The following STARD5 variants were observed in gnomAD, a reference collection of about 807,000 sequenced individuals.
STARD5 encodes the protein StAR related lipid transfer domain containing 5, also known as stAR-related lipid transfer protein 5.
In STARD5, 26 loss-of-function variants were observed where a neutral mutation model predicts 24.6. That is an observed-to-expected ratio of 1.06 (90% CI 0.77 to 1.47). The LOEUF (loss-of-function observed/expected upper bound fraction) is 1.47. STARD5 is among the 40% of genes most tolerant of loss of function. STARD5 has a pLI of 0.00. For synonymous variants in STARD5, 101 were observed against 99.7 expected, an observed-to-expected ratio of 1.01 and a Z score of -0.07; for missense variants, 254 against 270.8, an observed-to-expected ratio of 0.94 and a Z score of 0.44.
At position 81,311,652 on chromosome 15, in the gene STARD5, A is replaced by C. The variant is rs1900861191; in HGVS notation, c.*1604T>G. 1.3e-5 allele frequency: 2 copies of C among 152,362 alleles called. No individual in the cohort carries two copies. Among genetic ancestry groups the C allele is most frequent in the South Asian group, 4.1e-4 (2 of 4,830 alleles). 9.4% of individuals were successfully genotyped at this position (152,362 alleles called of 1,614,324 possible). A position where few individuals can be genotyped will look rare whatever the true frequency, so the allele number is the denominator to read the frequency against. ...CACCACCTCAGAGTATGGAGCTCAG[A>C]GAGGGCAGGCATGAAGTTTCCTTGG... On this transcript the variant is annotated 3_prime_UTR_variant, in exon 6 of 6. Transcript: ENST00000302824.
chr15:81,322,361 G>T (rs1893305794), intron 3 of STARD5, 47 bp downstream of exon 3: 1 of 1,612,384 alleles, frequency 6.2e-7, no homozygotes, highest in Non-Finnish European at 8.5e-7. Context: ...GGTTACTATA[G>T]CCTGGCCCAG....
Position 81,322,901 on chromosome 15 carries a change from G to T in STARD5, c.147C>A (p.Asn49Lys). Reference protein sequence around the residue: ...SWRPSVEFPGNLYRGEGIVYG... With the variant: ...SWRPSVEFPGKLYRGEGIVYG... ...CTTTGAACGAGGCATGCACTTACAGGTTCCCTGGAAACTCCACAGATGGCC... is the reference window on the plus strand; with the variant it reads ...CTTTGAACGAGGCATGCACTTACAGTTTCCCTGGAAACTCCACAGATGGCC... The change falls in exon 2 of 6, where the codon AAC becomes AAA. Residue 49 changes from asparagine to lysine, a missense_variant and splice_region_variant. Transcript: ENST00000302824. 1.2e-6 allele frequency: 2 copies of T among 1,614,150 alleles called. No individual in the cohort carries two copies. Among genetic ancestry groups the T allele is most frequent in the South Asian group, 2.2e-5 (2 of 91,090 alleles).
intron 5 of STARD5, among the ~76,000 whole-genome samples, chr15:81,315,573 C>T (rs1901064422): frequency 6.6e-6 from 1 of 152,124 alleles, no homozygotes; most frequent in Non-Finnish European, 1.5e-5. Flanking sequence ...GCAAGTGCTC[C>T]AGAAATGACA....
rs1219315149 is a variant in STARD5 at position 81,322,331 on chromosome 15, T to C, written c.282+77A>G. 3 of 1,583,412 alleles carry C rather than the reference T, an allele frequency of 1.9e-6. No homozygotes were observed. The African/African-American group carries it at 4.0e-5, about 21-fold the overall frequency. ...CTTAACAAAAGGTATCACGGACCCC[T>C]TCCAGAAGAAATGGGAGGGGGTTAC... On this transcript the variant is annotated intron_variant, in intron 3 of 5. Coordinates refer to ENST00000302824, the MANE Select transcript of STARD5 (RefSeq NM_181900.3).
Position 81,313,388 on chromosome 15 carries a change from G to A in STARD5, c.510C>T (p.Thr170=). Residue 170 remains threonine (T), a synonymous_variant, in exon 6 of 6, where the codon ACC becomes ACT. Coordinates refer to ENST00000302824, the MANE Select transcript of STARD5 (RefSeq NM_181900.3). ...CGGTATGGAAGAATGTGACCAGGTT[G>A]GTCTTGGTGGGTTCCCTGTGAAGGC... ...CEPLPGEPTK[T]NLVTFFHTDL... is the part of the protein sequence containing the mutation. 1.3e-6 allele frequency: 2 copies of A among 1,555,250 alleles called. No homozygotes were observed. Among genetic ancestry groups the A allele is most frequent in the Non-Finnish European group, 1.7e-6 (2 of 1,149,046 alleles).
At chr15:81,317,983 C>T (rs780925407) in intron 5 of STARD5, among the ~76,000 whole-genome samples, 24 of 152,128 alleles carry the variant, frequency 1.6e-4, no homozygotes, top group Non-Finnish European at 3.2e-4. Flanking sequence ...GGGGTGGGGA[C>T]TGCTATCCTC....
chr15:81,319,972 C>T (rs1011564273), intron 3 of STARD5, among the ~76,000 whole-genome samples: 1 of 152,190 alleles, frequency 6.6e-6, no homozygotes, highest in Non-Finnish European at 1.5e-5. Context: ...TATGTTGTGC[C>T]TGGGGCAACT....
intron 5 of STARD5, among the ~76,000 whole-genome samples, chr15:81,317,211 A>G (rs1901102779): frequency 6.6e-6 from 1 of 151,588 alleles, no homozygotes; most frequent in Non-Finnish European, 1.5e-5. Context: ...AAAAAAAAAA[A>G]ATCCATGTGA....
intron 5 of STARD5, among the ~76,000 whole-genome samples, chr15:81,317,150 T>C (rs1051906021): frequency 6.7e-6 from 1 of 149,848 alleles, no homozygotes; most frequent in Admixed American, 6.6e-5. Context: ...TGAGCCAAGA[T>C]TGCACCACTG....
At chr15:81,320,133 G>C (rs1387724929) in intron 3 of STARD5, among the ~76,000 whole-genome samples, 1 of 152,106 alleles carries the variant, frequency 6.6e-6, no homozygotes, top group Non-Finnish European at 1.5e-5. Flanking sequence ...TGGGGCCCAG[G>C]CTCTCTCGAG....
intron 4 of STARD5, 111 bp from the exon 5 acceptor site, chr15:81,318,613 G>C: frequency 5.4e-6 from 5 of 923,420 alleles, no homozygotes; most frequent in South Asian, 1.5e-5. Context: ...TGGAGTCTGT[G>C]AGGGACTCCT....
In STARD5 at chr15:81,318,425, A is replaced by G; in HGVS notation, c.478T>C (p.Cys160Arg). 6.2e-7 allele frequency: 1 copy of G among 1,614,182 alleles called. No homozygotes were observed. The highest frequency in any genetic ancestry group is 8.5e-7 in the Non-Finnish European group (1 of 1,180,026). Residue 160 changes from cysteine (C) to arginine (R), a missense_variant, in exon 5 of 6, where the codon TGT (cysteine) becomes CGT (arginine). Cys to Arg is a radical substitution (Grantham distance 180, BLOSUM62 -3). Transcript: ENST00000302824. Reference protein sequence around the residue: ...RGFNHPCGCFCEPLPGEPTKT... With the variant: ...RGFNHPCGCFREPLPGEPTKT... ...TATCCTTACCCTGGAAGAGGTTCACAGAAGCAACCACAAGGATGGTTAAAT... is the reference window on the plus strand; with the variant it reads ...TATCCTTACCCTGGAAGAGGTTCACGGAAGCAACCACAAGGATGGTTAAAT...
At position 81,313,290 on chromosome 15, in the gene STARD5, T is replaced by A; in HGVS notation, c.608A>T (p.Asn203Ile). ...GAATTGCTTCACTGCTTTCTGAAGG[T>A]TGGCATAAAACCGGGTCATGCTGCG... is the stretch of plus-strand genomic sequence containing the variant. The part of the protein sequence containing the change: ...FPRSMTRFYA[N>I]LQKAVKQFHE The change falls in exon 6 of 6, where the codon AAC becomes ATC. Residue 203 changes from asparagine (N) to isoleucine (I), a missense_variant. By Grantham distance (149) the Asn-to-Ile change is moderately radical. Transcript: ENST00000302824. 1 of 1,578,828 alleles carries A rather than the reference T, an allele frequency of 6.3e-7. No homozygotes were observed. Among genetic ancestry groups the A allele is most frequent in the Non-Finnish European group, 8.6e-7 (1 of 1,163,340 alleles).
chr15:81,309,844 T>C lies in STARD5; in HGVS notation c.*3412A>G, dbSNP rs1900763826. On this transcript the variant is annotated 3_prime_UTR_variant, in exon 6 of 6. Coordinates refer to ENST00000302824, the MANE Select transcript of STARD5 (RefSeq NM_181900.3). ...AGTGATCACAGCAGCTTCTACGGTG[T>C]ATGGTTCTGTGCCAATGTATTGATA... The C allele has an allele frequency of 6.6e-6, 1 of 152,220 alleles. No homozygotes were observed. Among genetic ancestry groups the C allele is most frequent in the Non-Finnish European group, 1.5e-5 (1 of 68,046 alleles). The allele number at this position is 152,220 out of a possible 1,614,324, so 9.4% of individuals were successfully genotyped here.
At chr15:81,322,311 C>T in intron 3 of STARD5, 97 bp downstream of exon 3, 1 of 1,506,756 alleles carries the variant, frequency 6.6e-7, no homozygotes, top group Admixed American at 1.7e-5. Context: ...ACCCCCTTAA[C>T]AAAAGGTATC....
intron 1 of STARD5, 154 bp from the exon 2 acceptor site, chr15:81,323,102 T>C: frequency 4.1e-6 from 3 of 733,752 alleles, no homozygotes; most frequent in Non-Finnish European, 6.9e-6. Context: ...GGGACTAGTC[T>C]TGGGCAAAGC....
intron 3 of STARD5, 76 bp from the exon 4 acceptor site, chr15:81,319,532 G>A (rs975875161): frequency 7.6e-7 from 1 of 1,310,660 alleles, no homozygotes; most frequent in Non-Finnish European, 1.1e-6. Context: ...ATCCCTCAAG[G>A]TCTGGGAAAG....
intron 1 of STARD5, 182 bp downstream of exon 1, chr15:81,323,819 A>G: frequency 1.4e-6 from 1 of 728,814 alleles, no homozygotes; most frequent in East Asian, 2.7e-5. Flanking sequence ...AGTCATTGTG[A>G]GCATAACAGG....
At chr15:81,318,535 A>T (rs750109386) in intron 4 of STARD5, 33 bp from the exon 5 acceptor site, 6 of 1,592,192 alleles carry the variant, frequency 3.8e-6, no homozygotes, top group Non-Finnish European at 1.7e-6. Flanking sequence ...GGTGAGTTAC[A>T]ACTTCAGACG....
Sources: gnomAD v4.1 joint callset for allele counts (sites outside exome capture counted in the v4.1 genomes callset) on GRCh38, gnomAD v4.1.1 for gene constraint, MANE v1.5 for transcripts, NCBI Gene and HGNC (gene_info 2026-07-23, HGNC 2026-07-21) for gene names.